PDE3B: variants seen among roughly 807,000 people sequenced by gnomAD.
The protein encoded by PDE3B is cGMP-inhibited 3',5'-cyclic phosphodiesterase 3B.
In PDE3B, 66 loss-of-function variants were observed where a neutral mutation model predicts 116.8. The observed-to-expected ratio is 0.56, with a 90% confidence interval of 0.46 to 0.69. The LOEUF (loss-of-function observed/expected upper bound fraction) is 0.69. PDE3B is among the 30% of genes least tolerant of loss of function. PDE3B has a pLI of 0.00. For synonymous variants in PDE3B, 595 were observed against 533.6 expected (o/e 1.12, Z -1.59); for missense variants, 1,384 against 1,368.1 (o/e 1.01, Z -0.18).
the PDE3B span, chr11:14,890,899 C>A: frequency 3.7e-5 from 36 of 985,262 alleles, 1 homozygote; most frequent in Admixed American, 2.2e-3. Context: ...TAAGGTCAAA[C>A]CTGAAATACC....
chr11:14,892,115 GC>G, the PDE3B span: 3 of 1,611,602 alleles, frequency 1.9e-6, no homozygotes, highest in African/African-American at 4.0e-5. Flanking sequence ...CTCTGCTTCA[GC>G]AGCTGGCGGA....
intron 1 of PDE3B, among the ~76,000 whole-genome samples, chr11:14,663,910 G>C (rs1170954571): frequency 1.3e-5 from 2 of 152,178 alleles, no homozygotes; most frequent in Non-Finnish European, 2.9e-5. Context: ...TCTGCACCAA[G>C]CGGACCTAAT....
intron 1 of PDE3B, among the ~76,000 whole-genome samples, chr11:14,711,043 T>A (rs1435460087): frequency 1.3e-5 from 2 of 152,238 alleles, no homozygotes; most frequent in Non-Finnish European, 2.9e-5. Flanking sequence ...AATTATGATT[T>A]TTTTAAGGAA....
At chr11:14,725,149 A>C (rs1856245517) in intron 1 of PDE3B, among the ~76,000 whole-genome samples, 1 of 152,188 alleles carries the variant, frequency 6.6e-6, no homozygotes, top group African/African-American at 2.4e-5. Context: ...TGAGGTATCT[A>C]TATCCAAATC....
chr11:14,686,428 A>G, intron 1 of PDE3B, among the ~76,000 whole-genome samples: 1 of 152,344 alleles, frequency 6.6e-6, no homozygotes, highest in East Asian at 1.9e-4. Context: ...AGTGATTAGT[A>G]GAACTTAGCC....
the PDE3B span, among the ~76,000 whole-genome samples, chr11:14,883,613 G>C: frequency 3.4e-4 from 51 of 151,928 alleles, no homozygotes; most frequent in Non-Finnish European, 5.2e-4. Context: ...CCATTCAGGA[G>C]ATAGGCATGG....
At chr11:14,721,457 A>T (rs1403825329) in intron 1 of PDE3B, among the ~76,000 whole-genome samples, 2 of 151,282 alleles carry the variant, frequency 1.3e-5, no homozygotes, top group African/African-American at 4.9e-5. Context: ...TCATGCTGCT[A>T]TAAAGACACA....
intron 1 of PDE3B, among the ~76,000 whole-genome samples, chr11:14,664,106 A>G (rs1854037552): frequency 6.6e-6 from 1 of 152,218 alleles, no homozygotes; most frequent in African/African-American, 2.4e-5. Context: ...CTCAGGATTA[A>G]GAATCTCACT....
In PDE3B at chr11:14,816,157, A is replaced by G. The variant is rs369220678; in HGVS notation, c.1523-2026A>G. Among the ~76,000 whole-genome samples the G allele has an allele frequency of 7.2e-5, 11 of 152,316 alleles. No individual in the cohort carries two copies. In the East Asian group the frequency reaches 7.7e-4, roughly 11 times the overall value. ...TTATGAGACCTCAGTCTTTTCTCATAAGGCCCTAAGCTAATTGGATGAGGC... is the reference window on the plus strand; with the variant it reads ...TTATGAGACCTCAGTCTTTTCTCATGAGGCCCTAAGCTAATTGGATGAGGC... On this transcript the variant is annotated intron_variant, in intron 5 of 15. Transcript: ENST00000282096.
chr11:14,650,391 G>T (rs55903536), intron 1 of PDE3B, among the ~76,000 whole-genome samples: 6 of 151,950 alleles, frequency 3.9e-5, no homozygotes, highest in African/African-American at 1.5e-4. Flanking sequence ...TTTTTTTGTA[G>T]AGAAGGGGTT....
At chr11:14,819,747 T>A (rs569512727) in intron 7 of PDE3B, among the ~76,000 whole-genome samples, 175 of 152,126 alleles carry the variant, frequency 1.2e-3, no homozygotes, top group African/African-American at 3.8e-3. Flanking sequence ...ATTATTTTTT[T>A]AAAAAAAATC....
At chr11:14,858,071 T>G (rs1366493458) in intron 12 of PDE3B, among the ~76,000 whole-genome samples, 1 of 152,216 alleles carries the variant, frequency 6.6e-6, no homozygotes, top group Admixed American at 6.5e-5. Flanking sequence ...AATAATCACT[T>G]AGTGTTATGC....
intron 1 of PDE3B, among the ~76,000 whole-genome samples, chr11:14,658,666 G>A (rs186672232): frequency 3.8e-4 from 58 of 152,256 alleles, no homozygotes; most frequent in African/African-American, 1.3e-3. Context: ...CACCTTTCTT[G>A]TAACTATAGT....
the PDE3B span, among the ~76,000 whole-genome samples, chr11:14,898,569 T>C: frequency 9.2e-5 from 14 of 152,162 alleles, no homozygotes; most frequent in African/African-American, 3.1e-4. Flanking sequence ...AAATTTTGAT[T>C]TCCAAAAGCT....
intron 4 of PDE3B, among the ~76,000 whole-genome samples, chr11:14,793,541 G>C (rs1474225015): frequency 6.6e-6 from 1 of 152,058 alleles, no homozygotes; most frequent in Non-Finnish European, 1.5e-5. Context: ...CCTATACTTA[G>C]AGTTAAAAGA....
intron 1 of PDE3B, among the ~76,000 whole-genome samples, chr11:14,672,517 T>G (rs1854401836): frequency 6.6e-6 from 1 of 152,214 alleles, no homozygotes; most frequent in African/African-American, 2.4e-5. Context: ...TTTGTTGGTC[T>G]ATTTGTTATG....
chr11:14,880,030 T>A, the PDE3B span: 1 of 1,075,684 alleles, frequency 9.3e-7, no homozygotes, highest in Non-Finnish European at 1.4e-6. Flanking sequence ...TTGGCTGGCA[T>A]CGCAGGAGTT....
chr11:14,761,892 T>C (rs755231290), intron 1 of PDE3B, among the ~76,000 whole-genome samples: 87 of 152,190 alleles, frequency 5.7e-4, no homozygotes, highest in East Asian at 1.9e-4. Flanking sequence ...AAAAGATTAG[T>C]TTCTGAATAT....
At chr11:14,708,378 A>G (rs575546282) in intron 1 of PDE3B, among the ~76,000 whole-genome samples, 10 of 152,088 alleles carry the variant, frequency 6.6e-5, no homozygotes, top group Non-Finnish European at 1.5e-4. Context: ...TTTCTTTATA[A>G]ACTACCCAGC....
Sources: gnomAD v4.1 joint callset for allele counts (sites outside exome capture counted in the v4.1 genomes callset) on GRCh38, gnomAD v4.1.1 for gene constraint, MANE v1.5 for transcripts, NCBI Gene and HGNC (gene_info 2026-07-23, HGNC 2026-07-21) for gene names.